The following L3MBTL4 variants were observed in gnomAD, a reference collection of about 807,000 sequenced individuals.
The protein encoded by L3MBTL4 is L3MBTL histone methyl-lysine binding protein 4, also known as lethal(3)malignant brain tumor-like protein 4.
In L3MBTL4, 70 loss-of-function variants were observed where a neutral mutation model predicts 84.5. The observed-to-expected ratio is 0.83, with a 90% CI of 0.68 to 1.01. The LOEUF is 1.01. L3MBTL4 is among the 50% of genes least tolerant of loss of function. The pLI, the probability that L3MBTL4 is intolerant of heterozygous loss-of-function variation, is 0.00. For missense variants in L3MBTL4, 715 were observed against 754.8 expected, an observed-to-expected ratio of 0.95 and a Z score of 0.62; for synonymous variants, 274 against 259.8, an observed-to-expected ratio of 1.05 and a Z score of -0.52.
chr18:6,379,588 T>A (rs2054513012), intron 1 of L3MBTL4, among the ~76,000 whole-genome samples: 1 of 152,230 alleles, frequency 6.6e-6, no homozygotes, highest in Admixed American at 6.5e-5. Context: ...GTGGTTTTTG[T>A]CATTGGTTCT....
At chr18:6,110,589 G>A (rs1291153894) in intron 14 of L3MBTL4, among the ~76,000 whole-genome samples, 2 of 138,244 alleles carry the variant, frequency 1.4e-5, no homozygotes, top group Non-Finnish European at 3.1e-5. Context: ...TGTACGTGGG[G>A]GGTTGTATGT....
chr18:5,998,657 G>C (rs2054085680), intron 16 of L3MBTL4, among the ~76,000 whole-genome samples: 1 of 152,210 alleles, frequency 6.6e-6, no homozygotes, highest in Non-Finnish European at 1.5e-5. Context: ...TGATCCACCA[G>C]ACTTCTCTAA....
chr18:6,082,787 A>G (rs2058123634), intron 15 of L3MBTL4, among the ~76,000 whole-genome samples: 1 of 152,192 alleles, frequency 6.6e-6, no homozygotes, highest in South Asian at 2.1e-4. Flanking sequence ...TCTTCAATTG[A>G]TCATGGGTAT....
chr18:6,197,938 C>T lies in L3MBTL4; in HGVS notation c.981+15211G>A, dbSNP rs147947543. On this transcript the variant is annotated intron_variant, in intron 12 of 18. Coordinates refer to ENST00000317931, the MANE Select transcript of L3MBTL4 (RefSeq NM_001330559.2). The stretch of plus-strand genomic sequence containing the variant: ...GTTAGGTTAAGTGGTGCAGGTCAGA[C>T]AGAACTGGGGCTGGGGTGGCGCACC... 1.5e-3 allele frequency among the ~76,000 whole-genome samples: 226 copies of T among 152,356 alleles called. 2 individuals carry two copies. Among genetic ancestry groups the T allele is most frequent in the Middle Eastern group, 0.01 (3 of 292 alleles).
chr18:6,246,381 C>A (rs1224505239), intron 5 of L3MBTL4, among the ~76,000 whole-genome samples: 1 of 152,102 alleles, frequency 6.6e-6, no homozygotes, highest in Non-Finnish European at 1.5e-5. Context: ...AGCAGACTTC[C>A]TAATTTGCTC....
intron 14 of L3MBTL4, among the ~76,000 whole-genome samples, chr18:6,105,276 C>T (rs943236988): frequency 6.6e-6 from 1 of 150,400 alleles, no homozygotes; most frequent in Non-Finnish European, 1.5e-5. Context: ...CGGCAACCTC[C>T]GCCTCCAGGG....
intron 17 of L3MBTL4, among the ~76,000 whole-genome samples, chr18:5,964,918 T>A (rs1455951409): frequency 6.6e-6 from 1 of 152,192 alleles, no homozygotes; most frequent in African/African-American, 2.4e-5. Context: ...ACCTCTTCTG[T>A]GCAAGATGCT....
intron 12 of L3MBTL4, among the ~76,000 whole-genome samples, chr18:6,188,264 T>C (rs1328708005): frequency 6.6e-6 from 1 of 151,262 alleles, no homozygotes; most frequent in East Asian, 1.9e-4. Context: ...TAACCACATA[T>C]TTTTACAAGT....
chr18:6,125,722 G>A (rs1402031919), intron 14 of L3MBTL4, among the ~76,000 whole-genome samples: 1 of 152,184 alleles, frequency 6.6e-6, no homozygotes, highest in East Asian at 1.9e-4. Context: ...GAGCCACTGT[G>A]CCTGACCTTC....
intron 14 of L3MBTL4, among the ~76,000 whole-genome samples, chr18:6,111,004 C>A (rs139330512): frequency 1.4e-4 from 21 of 152,184 alleles, no homozygotes; most frequent in African/African-American, 5.1e-4. Context: ...CCTATCTCTC[C>A]TCTGCCCTCC....
intron 14 of L3MBTL4, among the ~76,000 whole-genome samples, chr18:6,132,544 A>C (rs1291788602): frequency 6.6e-6 from 1 of 152,202 alleles, no homozygotes; most frequent in African/African-American, 2.4e-5. Flanking sequence ...CATTCTTCTC[A>C]CTATCACACC....
At chr18:6,233,823 G>A (rs1322240346) in intron 10 of L3MBTL4, among the ~76,000 whole-genome samples, 1 of 152,022 alleles carries the variant, frequency 6.6e-6, no homozygotes, top group African/African-American at 2.4e-5. Context: ...CTACTTTAAG[G>A]TTCATATGGA....
chr18:6,001,422 C>T (rs1291883741), intron 16 of L3MBTL4, among the ~76,000 whole-genome samples: 5 of 152,180 alleles, frequency 3.3e-5, no homozygotes, highest in Non-Finnish European at 7.3e-5. Context: ...GTTTACACCT[C>T]ATGCTGATGT....
intron 16 of L3MBTL4, among the ~76,000 whole-genome samples, chr18:6,071,772 A>G (rs1176139289): frequency 9.3e-6 from 1 of 107,480 alleles, no homozygotes; most frequent in African/African-American, 3.3e-5. Flanking sequence ...AAAGAAAGAA[A>G]GAAAGAAAGA....
chr18:6,126,132 G>GA (rs558211482), intron 14 of L3MBTL4, among the ~76,000 whole-genome samples: 21 of 152,022 alleles, frequency 1.4e-4, no homozygotes, highest in African/African-American at 4.8e-4. Flanking sequence ...TATATATGTG[G>GA]AAAAAAACAA....
At chr18:6,288,715 TA>T (rs200646187) in intron 4 of L3MBTL4, among the ~76,000 whole-genome samples, 12 of 151,294 alleles carry the variant, frequency 7.9e-5, no homozygotes, top group South Asian at 2.1e-4. Flanking sequence ...AATTGGTTAA[TA>T]AAAAAAAACT....
chr18:6,070,629 C>A (rs1035952074), intron 16 of L3MBTL4, among the ~76,000 whole-genome samples: 10 of 151,334 alleles, frequency 6.6e-5, no homozygotes, highest in African/African-American at 2.4e-4. Flanking sequence ...AAAGCCTGAG[C>A]AACATAGTGA....
chr18:6,413,417 G>C lies in L3MBTL4; in HGVS notation c.-91+1384C>G, dbSNP rs1300776220. Among the ~76,000 whole-genome samples the C allele has an allele frequency of 9.2e-5, 14 of 151,900 alleles. No individual in the cohort carries two copies. The East Asian group carries it at 2.1e-3, about 23-fold the overall frequency. ...AGTGTAGTCGAATCCAATCCCTTTG[G>C]ATACTCCAAGAAAAAAACCTCTCCT... On this transcript the variant is annotated intron_variant, in intron 1 of 18. Transcript: ENST00000317931.
intron 18 of L3MBTL4, among the ~76,000 whole-genome samples, chr18:5,956,954 T>C (rs948930901): frequency 2.6e-5 from 4 of 152,200 alleles, no homozygotes; most frequent in South Asian, 2.1e-4. Context: ...TGGTATATGA[T>C]AGAGAAAGAT....
Sources: allele counts gnomAD v4.1 joint callset (sites outside exome capture counted in the v4.1 genomes callset), GRCh38; gene constraint gnomAD v4.1.1; transcripts MANE v1.5; gene names NCBI Gene and HGNC (gene_info 2026-07-23, HGNC 2026-07-21).